VPS41: variants seen among roughly 807,000 people sequenced by gnomAD.
The protein encoded by VPS41 is VPS41 subunit of HOPS complex.
A neutral mutation model predicts 130.9 loss-of-function variants in VPS41; 85 were observed. The observed-to-expected ratio is 0.65, with a 90% CI of 0.55 to 0.78. The LOEUF (loss-of-function observed/expected upper bound fraction) is 0.78, where lower values mean the gene tolerates loss of function less well. VPS41 is among the 30% of genes least tolerant of loss of function. The pLI, the probability that VPS41 is intolerant of heterozygous loss-of-function variation, is 0.00. For synonymous variants in VPS41, 335 were observed against 332.9 expected (o/e 1.01, Z -0.07); for missense variants, 874 against 1,018.7 (o/e 0.86, Z 1.93).
intron 7 of VPS41, among the ~76,000 whole-genome samples, chr7:38,811,515 A>C (rs548909000): frequency 9.2e-5 from 14 of 152,138 alleles, no homozygotes; most frequent in African/African-American, 3.4e-4. Context: ...AACATAAGTA[A>C]AATAAATTAT....
rs879294722 is a variant in VPS41 at position 38,892,160 on chromosome 7, AT to A, written c.60+5930del. Among the ~76,000 whole-genome samples the A allele has an allele frequency of 1.3e-3, 188 of 148,738 alleles. 1 individual carries two copies. Among genetic ancestry groups the A allele is most frequent in the African/African-American group, 3.3e-3 (136 of 40,732 alleles). On this transcript the variant is annotated intron_variant, in intron 2 of 28. Coordinates refer to ENST00000310301, the MANE Select transcript of VPS41 (RefSeq NM_014396.4). ...ATTATACATAGAGAAAATTCCAAAGATTTTTTTTTTTAATCCTGTCAAATTC... is the reference window on the plus strand; with the variant it reads ...ATTATACATAGAGAAAATTCCAAAGATTTTTTTTTTAATCCTGTCAAATTC...
At chr7:38,797,021 G>A (rs1188671295) in intron 7 of VPS41, 157 bp from the exon 8 acceptor site, 12 of 800,640 alleles carry the variant, frequency 1.5e-5, no homozygotes, top group Middle Eastern at 3.1e-4. Flanking sequence ...TTTGTACCTT[G>A]GAAAGAATTC....
intron 21 of VPS41, among the ~76,000 whole-genome samples, chr7:38,754,375 A>T (rs1361671827): frequency 6.6e-6 from 1 of 152,164 alleles, no homozygotes; most frequent in Non-Finnish European, 1.5e-5. Flanking sequence ...ACAACATAAC[A>T]CAAAAACATT....
At chr7:38,817,950 A>C in intron 6 of VPS41, 68 bp from the exon 7 acceptor site, 1 of 1,210,486 alleles carries the variant, frequency 8.3e-7, no homozygotes, top group East Asian at 2.3e-5. Context: ...AAAACCCCTG[A>C]CACAGTTCAA....
intron 25 of VPS41, among the ~76,000 whole-genome samples, chr7:38,736,558 T>A (rs770010223): frequency 5.3e-5 from 8 of 152,246 alleles, no homozygotes; most frequent in Non-Finnish European, 7.3e-5. Flanking sequence ...ATGCCAATTC[T>A]GTATGTGACT....
intron 2 of VPS41, among the ~76,000 whole-genome samples, chr7:38,879,245 C>G (rs1414268823): frequency 6.6e-6 from 1 of 152,130 alleles, no homozygotes; most frequent in East Asian, 1.9e-4. Flanking sequence ...CAGCGTTGAC[C>G]TCTCCCCCGG....
intron 10 of VPS41, among the ~76,000 whole-genome samples, chr7:38,783,701 T>C (rs1391133491): frequency 6.6e-6 from 1 of 152,004 alleles, no homozygotes; most frequent in Non-Finnish European, 1.5e-5. Flanking sequence ...CCAGAAATGG[T>C]GTGGATAACA....
intron 7 of VPS41, among the ~76,000 whole-genome samples, chr7:38,806,962 T>C (rs1562593525): frequency 1.3e-5 from 2 of 152,184 alleles, no homozygotes; most frequent in African/African-American, 2.4e-5. Context: ...GACCACTCCA[T>C]AATCATGTCT....
intron 2 of VPS41, among the ~76,000 whole-genome samples, chr7:38,873,761 C>T (rs978873360): frequency 6.6e-6 from 1 of 152,264 alleles, no homozygotes. Context: ...GTGTAGAGCA[C>T]TTTTAATTAA....
At chr7:38,842,174 C>T (rs1785621729) in intron 4 of VPS41, among the ~76,000 whole-genome samples, 1 of 152,094 alleles carries the variant, frequency 6.6e-6, no homozygotes, top group East Asian at 1.9e-4. Flanking sequence ...CCCTCATACC[C>T]CACACAAGCA....
Position 38,855,784 on chromosome 7 carries a change from C to T in VPS41, c.246+6761G>A, listed in dbSNP as rs150399895. ...TAAACTTTGATGACTTTATACATTA[C>T]CCATAGCAACTAGAAAATGTATGAG... On this transcript the variant is annotated intron_variant, in intron 4 of 28. Coordinates refer to ENST00000310301, the MANE Select transcript of VPS41 (RefSeq NM_014396.4). 7.9e-5 allele frequency among the ~76,000 whole-genome samples: 12 copies of T among 152,246 alleles called. No homozygotes were observed. In the East Asian group the frequency reaches 2.3e-3, roughly 29 times the overall value.
chr7:38,841,391 T>C (rs1646237586), intron 4 of VPS41, among the ~76,000 whole-genome samples: 1 of 152,214 alleles, frequency 6.6e-6, no homozygotes, highest in East Asian at 1.9e-4. Context: ...GCCTATTTCC[T>C]TTCATTCCCT....
intron 4 of VPS41, among the ~76,000 whole-genome samples, chr7:38,851,910 T>A (rs562131124): frequency 6.6e-4 from 101 of 152,286 alleles, no homozygotes; most frequent in African/African-American, 2.3e-3. Context: ...ATTTTTTCCT[T>A]GCTATAAATT....
chr7:38,799,156 G>A (rs534892360), intron 7 of VPS41, among the ~76,000 whole-genome samples: 7 of 152,184 alleles, frequency 4.6e-5, no homozygotes, highest in African/African-American at 1.4e-4. Context: ...GAAAAATCCT[G>A]CATTTAAAAG....
At chr7:38,807,071 G>A (rs967385759) in intron 7 of VPS41, among the ~76,000 whole-genome samples, 1 of 152,196 alleles carries the variant, frequency 6.6e-6, no homozygotes, top group Non-Finnish European at 1.5e-5. Flanking sequence ...TACCAGTTAT[G>A]ACTTTGGCTT....
intron 4 of VPS41, among the ~76,000 whole-genome samples, chr7:38,850,418 T>A (rs1370103051): frequency 6.6e-6 from 1 of 152,226 alleles, no homozygotes; most frequent in Non-Finnish European, 1.5e-5. Context: ...GAGTTCCTTA[T>A]GTAGGTAACA....
Position 38,844,645 on chromosome 7 carries a change from G to A in VPS41, c.247-14317C>T, listed in dbSNP as rs116268115. Among the ~76,000 whole-genome samples the A allele has an allele frequency of 9.0e-3, 1,376 of 152,230 alleles. 27 individuals carry two copies. Among genetic ancestry groups the A allele is most frequent in the African/African-American group, 0.031 (1,273 of 41,538 alleles). Reference sequence around the variant, plus strand: ...CATGTCATCCCTGTTTAACAATGGAGCTTAAATTTTCTGTATTTATGAGAA... The same window carrying A: ...CATGTCATCCCTGTTTAACAATGGAACTTAAATTTTCTGTATTTATGAGAA... On this transcript the variant is annotated intron_variant, in intron 4 of 28. Coordinates refer to ENST00000310301, the MANE Select transcript of VPS41 (RefSeq NM_014396.4).
At chr7:38,806,416 A>C (rs1184562282) in intron 7 of VPS41, among the ~76,000 whole-genome samples, 1 of 152,218 alleles carries the variant, frequency 6.6e-6, no homozygotes, top group Non-Finnish European at 1.5e-5. Context: ...ATAGATCCAT[A>C]AGATAGAATA....
chr7:38,750,948 C>T (rs998743158), intron 22 of VPS41, among the ~76,000 whole-genome samples: 2 of 152,206 alleles, frequency 1.3e-5, no homozygotes, highest in Admixed American at 6.5e-5. Context: ...GAATAAGATT[C>T]TCACTCTATT....
Sources: gnomAD v4.1 joint callset for allele counts (sites outside exome capture counted in the v4.1 genomes callset) on GRCh38, gnomAD v4.1.1 for gene constraint, MANE v1.5 for transcripts, NCBI Gene and HGNC (gene_info 2026-07-23, HGNC 2026-07-21) for gene names.